ROBO1: variants seen among roughly 807,000 people sequenced by gnomAD.
The protein encoded by ROBO1 is roundabout guidance receptor 1.
Under a neutral mutation model 195.9 loss-of-function variants are expected in ROBO1, and 149 were observed. That is an observed-to-expected ratio of 0.76 (90% confidence interval 0.67 to 0.87). ROBO1 has a LOEUF of 0.87. Among genes scored for constraint, ROBO1 ranks in the 40% least tolerant of loss-of-function variants. The pLI, the probability that ROBO1 is intolerant of heterozygous loss-of-function variation, is 0.00. For synonymous variants in ROBO1, 816 were observed against 733.2 expected (o/e 1.11, Z -1.82); for missense variants, 1,933 against 2,068.3 (o/e 0.93, Z 1.27).
intron 2 of ROBO1, among the ~76,000 whole-genome samples, chr3:79,143,538 A>C (rs971238044): frequency 1.1e-4 from 17 of 152,076 alleles, no homozygotes; most frequent in African/African-American, 3.9e-4. Context: ...TGCATCAATC[A>C]CATGTGTATT....
intron 2 of ROBO1, among the ~76,000 whole-genome samples, chr3:79,404,908 T>G (rs2037488839): frequency 1.3e-5 from 2 of 152,144 alleles, no homozygotes; most frequent in Admixed American, 6.6e-5. Flanking sequence ...ATCAAATTCA[T>G]TTTTAAAGTT....
At chr3:79,658,883 T>C (rs1376715646) in intron 1 of ROBO1, among the ~76,000 whole-genome samples, 2 of 151,722 alleles carry the variant, frequency 1.3e-5, no homozygotes, top group Admixed American at 1.3e-4. Flanking sequence ...ATTACAGTCA[T>C]GTGCCAGCAT....
chr3:79,729,716 G>A (rs1425077778), intron 1 of ROBO1, among the ~76,000 whole-genome samples: 1 of 152,062 alleles, frequency 6.6e-6, no homozygotes, highest in Non-Finnish European at 1.5e-5. Context: ...AAGGAGATTG[G>A]AAAGAAAAAA....
rs573028630 is a variant in ROBO1 at position 79,079,940 on chromosome 3, T to C, written c.172+45516A>G. Among the ~76,000 whole-genome samples, 57 of 151,864 alleles carry C rather than the reference T, an allele frequency of 3.8e-4. No individual in the cohort carries two copies. The South Asian group carries it at 6.8e-3, about 18-fold the overall frequency. ...AATGAACACTTGAAAAATGTCAGTG[T>C]CAAATGTTTTTTATTAAAAAACATT... On this transcript the variant is annotated intron_variant, in intron 3 of 30. Coordinates refer to ENST00000464233, the MANE Select transcript of ROBO1 (RefSeq NM_002941.4).
intron 1 of ROBO1, among the ~76,000 whole-genome samples, chr3:79,605,127 G>A (rs116764186): frequency 0.033 from 4,976 of 151,968 alleles, 274 homozygotes; most frequent in African/African-American, 0.12. Flanking sequence ...TGTCCGAAAT[G>A]TTCAACGCAG....
chr3:79,614,466 A>C (rs1404605639), intron 1 of ROBO1, among the ~76,000 whole-genome samples: 1 of 152,154 alleles, frequency 6.6e-6, no homozygotes, highest in Non-Finnish European at 1.5e-5. Flanking sequence ...GATAAGTAGC[A>C]CTTAGAGTAA....
chr3:78,763,107 A>C (rs1374444501), intron 4 of ROBO1, among the ~76,000 whole-genome samples: 1 of 152,172 alleles, frequency 6.6e-6, no homozygotes, highest in Non-Finnish European at 1.5e-5. Flanking sequence ...TGAAAGAAAC[A>C]CTACCACATA....
At chr3:78,631,979 C>T (rs868539936) in intron 24 of ROBO1, among the ~76,000 whole-genome samples, 1 of 152,090 alleles carries the variant, frequency 6.6e-6, no homozygotes, top group South Asian at 2.1e-4. Flanking sequence ...TCAAGTGCTC[C>T]AGTGTTCTCA....
At chr3:79,713,580 A>G (rs973434779) in intron 1 of ROBO1, among the ~76,000 whole-genome samples, 17 of 152,254 alleles carry the variant, frequency 1.1e-4, no homozygotes, top group African/African-American at 4.1e-4. Context: ...ATTGCTGTGC[A>G]GAAGCTTTTT....
intron 3 of ROBO1, among the ~76,000 whole-genome samples, chr3:79,088,102 A>G (rs1463605450): frequency 6.6e-6 from 1 of 152,050 alleles, no homozygotes; most frequent in Non-Finnish European, 1.5e-5. Context: ...GTTCAATTTC[A>G]CAGTAAATTT....
At chr3:79,291,169 C>A (rs577766093) in intron 2 of ROBO1, among the ~76,000 whole-genome samples, 1 of 152,066 alleles carries the variant, frequency 6.6e-6, no homozygotes, top group Non-Finnish European at 1.5e-5. Context: ...ATTCTCCCAA[C>A]CACTTAGACT....
At chr3:79,135,204 A>G (rs983773282) in intron 2 of ROBO1, among the ~76,000 whole-genome samples, 18 of 152,212 alleles carry the variant, frequency 1.2e-4, no homozygotes, top group South Asian at 2.1e-4. Flanking sequence ...CCCCACATCT[A>G]TTAAGTGAAA....
chr3:79,525,919 T>C (rs1045007943), intron 2 of ROBO1, among the ~76,000 whole-genome samples: 1 of 152,178 alleles, frequency 6.6e-6, no homozygotes, highest in Non-Finnish European at 1.5e-5. Context: ...CCCAAAACTC[T>C]ACACTTATTT....
intron 4 of ROBO1, among the ~76,000 whole-genome samples, chr3:78,809,019 C>T (rs2084641347): frequency 6.6e-6 from 1 of 152,114 alleles, no homozygotes. Flanking sequence ...AACTAAAGAG[C>T]TTCTGCACAG....
chr3:79,348,397 G>A (rs908682677), intron 2 of ROBO1, among the ~76,000 whole-genome samples: 1 of 152,012 alleles, frequency 6.6e-6, no homozygotes, highest in Admixed American at 6.6e-5. Context: ...CATTTGTTTA[G>A]CTCCTCTTAC....
intron 3 of ROBO1, among the ~76,000 whole-genome samples, chr3:79,045,139 A>C (rs2078566599): frequency 6.6e-6 from 1 of 151,986 alleles, no homozygotes; most frequent in South Asian, 2.1e-4. Context: ...TAAAAAATAA[A>C]CCCCCTTAAA....
chr3:79,589,706 C>T (rs763413741), intron 2 of ROBO1, 118 bp downstream of exon 2: 6 of 793,148 alleles, frequency 7.6e-6, no homozygotes, highest in Non-Finnish European at 1.1e-5. Flanking sequence ...TTCACACAGA[C>T]TTACAAGTTC....
At chr3:78,856,909 AC>A (rs1194678042) in intron 4 of ROBO1, among the ~76,000 whole-genome samples, 1 of 151,402 alleles carries the variant, frequency 6.6e-6, no homozygotes, top group East Asian at 1.9e-4. Flanking sequence ...TCTAATACTA[AC>A]AAGCACCTCC....
chr3:78,704,868 T>C (rs1024236970), intron 8 of ROBO1, among the ~76,000 whole-genome samples: 2 of 152,096 alleles, frequency 1.3e-5, no homozygotes, highest in African/African-American at 4.8e-5. Context: ...ATTCACACAG[T>C]ATGTTACATT....
Sources: allele counts gnomAD v4.1 joint callset (sites outside exome capture counted in the v4.1 genomes callset), GRCh38; gene constraint gnomAD v4.1.1; transcripts MANE v1.5; gene names NCBI Gene and HGNC (gene_info 2026-07-23, HGNC 2026-07-21).